Variants in HPSE2 observed in about 807,000 individuals in gnomAD.
HPSE2 encodes the protein inactive heparanase-2.
In HPSE2, 38 loss-of-function variants were observed where a neutral mutation model predicts 60.5. The observed-to-expected ratio is 0.63, with a 90% CI of 0.48 to 0.82. The LOEUF is 0.82. Among genes scored for constraint, HPSE2 ranks in the 40% least tolerant of loss-of-function variants. The pLI, the probability that HPSE2 is intolerant of heterozygous loss-of-function variation, is 0.00. For missense variants in HPSE2, 713 were observed against 740.4 expected, an observed-to-expected ratio of 0.96 and a Z score of 0.43; for synonymous variants, 295 against 293.2, an observed-to-expected ratio of 1.01 and a Z score of -0.06.
intron 3 of HPSE2, among the ~76,000 whole-genome samples, chr10:98,748,720 T>C (rs993295015): frequency 6.6e-6 from 1 of 151,948 alleles, no homozygotes; most frequent in Admixed American, 6.6e-5. Context: ...CCTTAAGAAA[T>C]GTCCACATAT....
chr10:98,814,610 GA>G (rs1241541056), intron 3 of HPSE2, among the ~76,000 whole-genome samples: 2 of 152,096 alleles, frequency 1.3e-5, no homozygotes, highest in Non-Finnish European at 2.9e-5. Flanking sequence ...CAGAGACAGA[GA>G]AAACAATCAA....
intron 3 of HPSE2, among the ~76,000 whole-genome samples, chr10:99,040,371 T>C (rs1199301215): frequency 6.6e-6 from 1 of 152,204 alleles, no homozygotes; most frequent in Non-Finnish European, 1.5e-5. Flanking sequence ...TACTTTTCTA[T>C]GAAATAGAGT....
intron 3 of HPSE2, among the ~76,000 whole-genome samples, chr10:98,964,868 A>C (rs993812139): frequency 1.3e-5 from 2 of 152,094 alleles, no homozygotes; most frequent in Non-Finnish European, 2.9e-5. Flanking sequence ...CCAATCCCTG[A>C]TTTATCTTTC....
chr10:98,651,166 T>C (rs906767275), intron 6 of HPSE2, among the ~76,000 whole-genome samples: 1 of 152,240 alleles, frequency 6.6e-6, no homozygotes, highest in African/African-American at 2.4e-5. Context: ...ATTCTTTTTA[T>C]GACAATTGTC....
intron 3 of HPSE2, among the ~76,000 whole-genome samples, chr10:98,849,489 T>C (rs1218456588): frequency 6.6e-6 from 1 of 152,126 alleles, no homozygotes; most frequent in Non-Finnish European, 1.5e-5. Flanking sequence ...CAAAAGACAA[T>C]ACATTTCAGG....
rs182156094 is a variant in HPSE2, at chr10:98,926,978, T to G, written c.611-182922A>C. On this transcript the variant is annotated intron_variant, in intron 3 of 11. Transcript: ENST00000370552. ...GATTGCACTGGGGTCTGAGAGACAG[T>G]TTGTTATAATTTCTGTTCTTTTACA... 3.1e-4 allele frequency among the ~76,000 whole-genome samples: 47 copies of G among 152,246 alleles called. No homozygotes were observed. In the East Asian group the frequency reaches 5.0e-3, roughly 16 times the overall value.
intron 3 of HPSE2, among the ~76,000 whole-genome samples, chr10:98,748,490 GGCCAAT>G (rs1400489998): frequency 6.6e-6 from 1 of 152,060 alleles, no homozygotes; most frequent in Admixed American, 6.6e-5. Context: ...CACCAGAGGG[GGCCAAT>G]GCCTCTATGT....
rs143665330 is a variant in HPSE2, at chr10:98,510,536, C to T, written c.1321-20340G>A. On this transcript the variant is annotated intron_variant, in intron 9 of 11. Transcript: ENST00000370552. ...ACCTGCTTATGGAGGTGTGATCAGG[C>T]TTGGGTTTGTGAACTGGACTGTCTA... is the stretch of plus-strand genomic sequence containing the variant. Among the ~76,000 whole-genome samples, 859 of 152,260 alleles carry T rather than the reference C, an allele frequency of 5.6e-3. 5 individuals are homozygous for T. Among genetic ancestry groups the T allele is most frequent in the Non-Finnish European group, 8.8e-3 (601 of 68,024 alleles).
chr10:99,184,819 T>TATATATAGAG (rs1554912295), intron 2 of HPSE2, among the ~76,000 whole-genome samples: 3 of 19,864 alleles, frequency 1.5e-4, no homozygotes, highest in African/African-American at 3.3e-4. Context: ...TATATATATA[T>TATATATAGAG]AGAGAGAGAG....
intron 3 of HPSE2, among the ~76,000 whole-genome samples, chr10:99,072,944 AAAAAAAAAAAAAAAAAAAAG>A (rs1564785068): frequency 4.2e-5 from 1 of 23,664 alleles, no homozygotes. Flanking sequence ...AAAAAAAAAA[AAAAAAAAAAAAAAAAAAAAG>A]ACAAGAAACA....
chr10:98,610,008 GT>G (rs762406936), intron 9 of HPSE2, among the ~76,000 whole-genome samples: 3 of 151,822 alleles, frequency 2.0e-5, no homozygotes, highest in Non-Finnish European at 4.4e-5. Context: ...TGCCTGGCTA[GT>G]TTTTTGTATT....
At chr10:99,010,409 A>G (rs1007492007) in intron 3 of HPSE2, among the ~76,000 whole-genome samples, 5 of 152,206 alleles carry the variant, frequency 3.3e-5, no homozygotes, top group Non-Finnish European at 7.3e-5. Flanking sequence ...AGGCTCATGA[A>G]TTGCAGCCTT....
At chr10:98,968,659 T>G (rs1589440749) in intron 3 of HPSE2, among the ~76,000 whole-genome samples, 1 of 152,228 alleles carries the variant, frequency 6.6e-6, no homozygotes, top group Non-Finnish European at 1.5e-5. Flanking sequence ...GGAATGCTAT[T>G]CAGTCATAAA....
At chr10:98,659,411 T>C (rs1160090057) in intron 6 of HPSE2, among the ~76,000 whole-genome samples, 2 of 152,226 alleles carry the variant, frequency 1.3e-5, no homozygotes, top group Non-Finnish European at 2.9e-5. Flanking sequence ...CAACTATAAA[T>C]GGAATCCTAC....
chr10:99,133,953 T>A (rs1005873351), intron 3 of HPSE2, among the ~76,000 whole-genome samples: 5 of 152,030 alleles, frequency 3.3e-5, no homozygotes, highest in African/African-American at 4.8e-5. Context: ...TCTAACCCCA[T>A]GTAAGGAAGC....
intron 11 of HPSE2, among the ~76,000 whole-genome samples, chr10:98,478,263 A>AT (rs1591239274): frequency 6.6e-6 from 1 of 152,132 alleles, no homozygotes; most frequent in Admixed American, 6.5e-5. Context: ...CCACAGCTGG[A>AT]TTTTTTCTGG....
intron 3 of HPSE2, among the ~76,000 whole-genome samples, chr10:99,087,929 T>C (rs529960962): frequency 3.3e-4 from 50 of 152,026 alleles, no homozygotes; most frequent in African/African-American, 1.2e-3. Context: ...AAGCTATCCA[T>C]CCATTCCCTT....
In HPSE2 at chr10:98,515,804, T is replaced by C. The variant is rs376358630; in HGVS notation, c.1321-25608A>G. On this transcript the variant is annotated intron_variant, in intron 9 of 11. Coordinates refer to ENST00000370552, the MANE Select transcript of HPSE2 (RefSeq NM_021828.5). ...TGGGAGATCTGATTATTTCTCAGCT[T>C]TCAAAGTCATATTGTTTTAAAAATG... Among the ~76,000 whole-genome samples the C allele has an allele frequency of 1.6e-4, 25 of 152,326 alleles. No homozygotes were observed. The East Asian group carries it at 3.1e-3, about 19-fold the overall frequency.
At chr10:98,789,873 A>G (rs1950619197) in intron 3 of HPSE2, among the ~76,000 whole-genome samples, 1 of 152,238 alleles carries the variant, frequency 6.6e-6, no homozygotes, top group Non-Finnish European at 1.5e-5. Flanking sequence ...TAGCAAAGTG[A>G]GTTATTAATA....
Sources: allele counts gnomAD v4.1 joint callset (sites outside exome capture counted in the v4.1 genomes callset), GRCh38; gene constraint gnomAD v4.1.1; transcripts MANE v1.5; gene names NCBI Gene and HGNC (gene_info 2026-07-23, HGNC 2026-07-21).